Variants in ZNF676 observed in about 807,000 individuals in gnomAD.
ZNF676 encodes the protein zinc finger protein 676.
ZNF676 carries 4 observed loss-of-function variants against 6.0 expected under a neutral mutation model. That is an observed-to-expected ratio of 0.67 (90% CI 0.33 to 1.53). The LOEUF is 1.53. ZNF676 is among the 40% of genes most tolerant of loss of function. The probability of loss-of-function intolerance (pLI) is 0.06; values close to 1 mark genes in which losing one functional copy is unlikely to be tolerated. For synonymous variants in ZNF676, 198 were observed against 223.1 expected (o/e 0.89, Z 1.00); for missense variants, 644 against 679.7 (o/e 0.95, Z 0.58).
the ZNF676 span, among the ~76,000 whole-genome samples, chr19:22,232,127 CACAT>C: frequency 6.6e-6 from 1 of 152,006 alleles, no homozygotes; most frequent in Non-Finnish European, 1.5e-5. Flanking sequence ...ATTGAAGAAA[CACAT>C]AGAGAACAAT....
At chr19:22,196,324 C>G (rs73550930) in intron 1 of ZNF676, among the ~76,000 whole-genome samples, 1 of 152,182 alleles carries the variant, frequency 6.6e-6, no homozygotes, top group African/African-American at 2.4e-5. Flanking sequence ...GAGTACTGTT[C>G]AAAGAATACA....
At chr19:22,218,751 T>C (rs140765778), upstream of ZNF676, among the ~76,000 whole-genome samples, 831 of 152,294 alleles carry the variant, frequency 5.5e-3, 9 homozygotes, top group African/African-American at 0.019. Flanking sequence ...GTTTACTTTG[T>C]CAAAGATCAG....
intron 2 of ZNF676, among the ~76,000 whole-genome samples, chr19:22,187,643 G>C (rs984390002): frequency 2.0e-5 from 3 of 150,712 alleles, no homozygotes; most frequent in African/African-American, 7.3e-5. Context: ...AAGGAAGAAA[G>C]GAGAGAAGAA....
chr19:22,216,786 G>C (rs1020794724), upstream of ZNF676, among the ~76,000 whole-genome samples: 1 of 151,498 alleles, frequency 6.6e-6, no homozygotes, highest in African/African-American at 2.4e-5. Context: ...ACCACACCCA[G>C]CTAATTTAGC....
At chr19:22,193,708 T>C (rs1274368455) in intron 1 of ZNF676, among the ~76,000 whole-genome samples, 1 of 152,172 alleles carries the variant, frequency 6.6e-6, no homozygotes, top group Non-Finnish European at 1.5e-5. Flanking sequence ...CAAAAAATTT[T>C]GCATGCTGAT....
chr19:22,238,663 T>C, the ZNF676 span, among the ~76,000 whole-genome samples: 1 of 152,150 alleles, frequency 6.6e-6, no homozygotes, highest in Non-Finnish European at 1.5e-5. Context: ...TGCGTATATA[T>C]ACATATATGT....
upstream of ZNF676, among the ~76,000 whole-genome samples, chr19:22,198,186 G>A (rs1265645471): frequency 1.3e-5 from 2 of 151,430 alleles, no homozygotes; most frequent in Non-Finnish European, 1.5e-5. Context: ...AAAACCCCAG[G>A]TTTTCCCCAA....
upstream of ZNF676, among the ~76,000 whole-genome samples, chr19:22,200,526 T>TG (rs1322588860): frequency 6.9e-6 from 1 of 144,064 alleles, no homozygotes; most frequent in East Asian, 2.1e-4. Context: ...TTTTTTTTTT[T>TG]TTTTTTTTTT....
At chr19:22,235,414 G>T in the ZNF676 span, among the ~76,000 whole-genome samples, 1 of 152,132 alleles carries the variant, frequency 6.6e-6, no homozygotes, top group Non-Finnish European at 1.5e-5. Context: ...CCCAAATGAG[G>T]AATAGGTTGC....
chr19:22,212,641 G>T (rs1255168268), intron 1 of ZNF676, among the ~76,000 whole-genome samples: 1 of 151,542 alleles, frequency 6.6e-6, no homozygotes, highest in African/African-American at 2.4e-5. Flanking sequence ...GGATGCAGAG[G>T]TTGCAGTGAG....
chr19:22,186,493 G>C (rs2023842026), intron 2 of ZNF676, among the ~76,000 whole-genome samples: 2 of 152,098 alleles, frequency 1.3e-5, no homozygotes, highest in African/African-American at 2.4e-5. Flanking sequence ...AAAATAACCA[G>C]CTAGCATCAT....
At position 22,196,707 on chromosome 19, in the gene ZNF676, T is replaced by C; in HGVS notation, c.-74A>G. On this transcript the variant is annotated 5_prime_UTR_variant, in exon 1 of 3. It removes an upstream start codon present in the reference 5' UTR. Coordinates refer to ENST00000397121, the MANE Select transcript of ZNF676 (RefSeq NM_001001411.3). ...CTCCAGAGAGAATTCTATGGCCACA[T>C]CCCTAAATGTCAATGCTCCCTGGAA... 6.2e-7 allele frequency: 1 copy of C among 1,609,998 alleles called. No homozygotes were observed. Among genetic ancestry groups the C allele is most frequent in the East Asian group, 2.2e-5 (1 of 44,838 alleles).
At position 22,179,423 on chromosome 19, in the gene ZNF676, G is replaced by A. The variant is rs1341536632; in HGVS notation, c.*527C>T. The A allele has an allele frequency of 2.9e-6, 1 of 348,192 alleles. No individual in the cohort carries two copies. The highest frequency in any genetic ancestry group is 5.6e-6 in the Non-Finnish European group (1 of 177,586). The allele number at this position is 348,192 out of a possible 1,614,324, so 21.6% of individuals were successfully genotyped here. A position where few individuals can be genotyped will look rare whatever the true frequency, so the allele number is the denominator to read the frequency against. On this transcript the variant is annotated 3_prime_UTR_variant, in exon 3 of 3. Transcript: ENST00000397121. ...AGTAAGCCTTAAGGACTGGTTAAAG[G>A]CTTTGCCACATTCCACACAATTATA...
intron 1 of ZNF676, among the ~76,000 whole-genome samples, chr19:22,212,149 G>A (rs1245887207): frequency 1.4e-5 from 2 of 145,996 alleles, no homozygotes; most frequent in Admixed American, 7.0e-5. Context: ...GCAGCGAGCC[G>A]AGATCCCACC....
intron 1 of ZNF676, among the ~76,000 whole-genome samples, chr19:22,201,969 C>T (rs757640957): frequency 3.9e-5 from 6 of 152,054 alleles, no homozygotes; most frequent in Non-Finnish European, 8.8e-5. Flanking sequence ...GGGAGAAAAA[C>T]ATAACTGTGC....
intron 2 of ZNF676, among the ~76,000 whole-genome samples, chr19:22,189,617 T>C (rs1292443162): frequency 2.0e-5 from 3 of 151,736 alleles, no homozygotes; most frequent in African/African-American, 7.3e-5. Context: ...TTGCAATCTA[T>C]CCATCTGACA....
Position 22,179,872 on chromosome 19 carries a change from A to AT in ZNF676, c.*77dup, listed in dbSNP as rs1450730782. On this transcript the variant is annotated 3_prime_UTR_variant, in exon 3 of 3. Coordinates refer to ENST00000397121, the MANE Select transcript of ZNF676 (RefSeq NM_001001411.3). ...TTTGCCACATTCTTCACCTTTGTAG[A>AT]TTTTCTCTCCAGTATGAATTTTCTT... 3 of 1,403,752 alleles carry AT rather than the reference A, an allele frequency of 2.1e-6. No homozygotes were observed. Among genetic ancestry groups the AT allele is most frequent in the Non-Finnish European group, 3.0e-6 (3 of 1,009,384 alleles). The allele number at this position is 1,403,752 out of a possible 1,614,324, so 87.0% of individuals were successfully genotyped here.
At chr19:22,204,805 G>A (rs2024060400) in intron 1 of ZNF676, among the ~76,000 whole-genome samples, 2 of 152,018 alleles carry the variant, frequency 1.3e-5, no homozygotes, top group South Asian at 4.1e-4. Flanking sequence ...AAAAAGGAAA[G>A]CAATGAATCT....
Position 22,179,803 on chromosome 19 carries a change from T to G in ZNF676, c.*147A>C, listed in dbSNP as rs1398046653. On this transcript the variant is annotated 3_prime_UTR_variant, in exon 3 of 3. Transcript: ENST00000397121. Reference sequence around the variant, plus strand: ...ACGTTTGTAGTGTTTCTCTCCAGCATGAATTTTCTTATGTGTAATAAAGAT... The same window carrying G: ...ACGTTTGTAGTGTTTCTCTCCAGCAGGAATTTTCTTATGTGTAATAAAGAT... The G allele has an allele frequency of 1.0e-6, 1 of 966,588 alleles. No individual in the cohort carries two copies. Among genetic ancestry groups the G allele is most frequent in the African/African-American group, 1.6e-5 (1 of 61,284 alleles). The allele number at this position is 966,588 out of a possible 1,614,324, so 59.9% of individuals were successfully genotyped here. A position where few individuals can be genotyped will look rare whatever the true frequency, so the allele number is the denominator to read the frequency against.
Sources: allele counts gnomAD v4.1 joint callset (sites outside exome capture counted in the v4.1 genomes callset), GRCh38; gene constraint gnomAD v4.1.1; transcripts MANE v1.5; gene names NCBI Gene and HGNC (gene_info 2026-07-23, HGNC 2026-07-21).